TSGA10IP: variants seen among roughly 807,000 people sequenced by gnomAD.
TSGA10IP encodes the protein testis-specific protein 10-interacting protein.
Under a neutral mutation model 63.2 loss-of-function variants are expected in TSGA10IP, and 64 were observed. The ratio of observed to expected loss-of-function variants is 1.01; its 90% CI spans 0.83 to 1.25. TSGA10IP has a LOEUF of 1.25. Among genes scored for constraint, TSGA10IP ranks in the 50% most tolerant of loss-of-function variants. The probability of loss-of-function intolerance (pLI) is 0.00; values close to 1 mark genes in which losing one functional copy is unlikely to be tolerated. For missense variants in TSGA10IP, 681 were observed against 710.1 expected (o/e 0.96, Z 0.47); for synonymous variants, 316 against 298.3 (o/e 1.06, Z -0.61).
At chr11:65,947,458 C>T (rs555653030) in exon 3 of TSGA10IP, 24 of 1,613,488 alleles carry the variant, frequency 1.5e-5, no homozygotes, top group African/African-American at 1.2e-4. Context: ...GATCGGCGTC[C>T]GACAAGCAGG....
chr11:65,955,504 T>C (rs1855008385), intron 5 of TSGA10IP, among the ~76,000 whole-genome samples: 2 of 152,034 alleles, frequency 1.3e-5, no homozygotes, highest in South Asian at 4.2e-4. Context: ...TCCCAGCTAC[T>C]TGGGAGGCTG....
intron 5 of TSGA10IP, among the ~76,000 whole-genome samples, chr11:65,958,289 C>A (rs1203726894): frequency 6.6e-6 from 1 of 152,158 alleles, no homozygotes; most frequent in Admixed American, 6.6e-5. Flanking sequence ...CCAGTGGAAC[C>A]CTGATCTCTC....
chr11:65,947,694 G>A, exon 3 of TSGA10IP: 2 of 1,601,444 alleles, frequency 1.2e-6, no homozygotes, highest in African/African-American at 2.7e-5. Context: ...GAAGTGCAGG[G>A]CCAGAGCCAG....
intron 5 of TSGA10IP, among the ~76,000 whole-genome samples, chr11:65,957,923 C>G (rs935205535): frequency 2.0e-5 from 3 of 152,208 alleles, no homozygotes; most frequent in African/African-American, 7.2e-5. Flanking sequence ...TCAAGTTTGT[C>G]AAACAGACAC....
At chr11:65,959,423 GC>G in intron 7 of TSGA10IP, 109 bp downstream of exon 7, 1 of 1,476,706 alleles carries the variant, frequency 6.8e-7, no homozygotes, top group Non-Finnish European at 9.0e-7. Context: ...CAGGCAGAGA[GC>G]CCAGAGGAAG....
exon 6 of TSGA10IP, chr11:65,958,954 G>A (rs773839636): frequency 5.6e-6 from 9 of 1,613,070 alleles, no homozygotes; most frequent in South Asian, 1.1e-5. Flanking sequence ...GTGCAGGCCC[G>A]GCCCTTCCTG....
chr11:65,949,929 T>C (rs1387138511), intron 4 of TSGA10IP, among the ~76,000 whole-genome samples: 1 of 136,936 alleles, frequency 7.3e-6, no homozygotes, highest in Non-Finnish European at 1.5e-5. Flanking sequence ...CTCAGTTCAC[T>C]GCAACCTCCG....
intron 5 of TSGA10IP, among the ~76,000 whole-genome samples, chr11:65,954,219 G>T (rs1309801917): frequency 1.3e-5 from 2 of 150,454 alleles, no homozygotes; most frequent in Non-Finnish European, 3.0e-5. Context: ...AGGCTGGAGT[G>T]CAGTGGCGCG....
chr11:65,945,580 T>A lies in TSGA10IP; in HGVS notation c.-96T>A. The A allele has an allele frequency of 7.0e-7, 1 of 1,427,762 alleles. No individual in the cohort carries two copies. Among genetic ancestry groups the A allele is most frequent in the African/African-American group, 1.4e-5 (1 of 71,442 alleles). The allele number at this position is 1,427,762 out of a possible 1,614,324, so 88.4% of individuals were successfully genotyped here. ...ATACCCCACTGACCCCTTCCTAGCA[T>A]GCTTTTTGCCAGACCCATTGAGACT... On this transcript the variant is annotated 5_prime_UTR_variant, in exon 1 of 8. The change abolishes an upstream ATG in the 5' untranslated region. Transcript: ENST00000532620.
chr11:65,948,093 T>C, exon 4 of TSGA10IP: 1 of 1,597,034 alleles, frequency 6.3e-7, no homozygotes, highest in African/African-American at 1.3e-5. Context: ...CGATGAAACT[T>C]TCGTGTCTGC....
At chr11:65,951,894 G>C (rs1308118016) in intron 4 of TSGA10IP, among the ~76,000 whole-genome samples, 4 of 150,022 alleles carry the variant, frequency 2.7e-5, no homozygotes, top group South Asian at 2.1e-4. Context: ...TCGTCACCCA[G>C]GATGGAGTGC....
In TSGA10IP at chr11:65,948,054, C is replaced by A. The variant is rs772390003; in HGVS notation, c.1057C>A (p.Arg353=). 2.5e-6 allele frequency: 4 copies of A among 1,577,566 alleles called. No homozygotes were observed. The South Asian group carries it at 3.5e-5, about 14-fold the overall frequency. ...GAGGGCTGCCTTCCAGGCCTCCAAG[C>A]GGAATGGAAAGGCCTATGCCTCGGG... Residue 353 remains arginine, a synonymous_variant, in exon 4 of 8, where the codon CGG becomes AGG. Coordinates refer to ENST00000532620, the Ensembl canonical transcript of TSGA10IP.
chr11:65,948,714 C>G (rs1265304678), intron 4 of TSGA10IP, among the ~76,000 whole-genome samples: 2 of 152,168 alleles, frequency 1.3e-5, no homozygotes, highest in Admixed American at 1.3e-4. Context: ...TGGCTCACGC[C>G]TATAATCCTA....
At chr11:65,947,910 G>A in intron 3 of TSGA10IP, 82 bp downstream of exon 3, 1 of 1,507,564 alleles carries the variant, frequency 6.6e-7, no homozygotes, top group Non-Finnish European at 8.9e-7. Context: ...AGGGGCTCAG[G>A]CAGGCTGGGC....
At chr11:65,953,667 T>C (rs1267601610) in exon 5 of TSGA10IP, 1 of 1,592,186 alleles carries the variant, frequency 6.3e-7, no homozygotes, top group Non-Finnish European at 8.5e-7. Flanking sequence ...GGTGGCCCAC[T>C]GCCTGGCAGC....
chr11:65,946,331 G>A (rs1374794539), intron 1 of TSGA10IP, among the ~76,000 whole-genome samples: 1 of 152,164 alleles, frequency 6.6e-6, no homozygotes, highest in East Asian at 1.9e-4. Context: ...GGTTACGTGT[G>A]TTTATGCATG....
chr11:65,949,426 T>TTC (rs1454598269), intron 4 of TSGA10IP, among the ~76,000 whole-genome samples: 1 of 150,840 alleles, frequency 6.6e-6, no homozygotes, highest in Non-Finnish European at 1.5e-5. Context: ...CACAATTTTT[T>TTC]TTTTTTTTGA....
At chr11:65,958,907 T>C in exon 6 of TSGA10IP, 1 of 1,613,098 alleles carries the variant, frequency 6.2e-7, no homozygotes, top group South Asian at 1.1e-5. Context: ...AGCGCTTTGC[T>C]GAGTACCAGG....
At chr11:65,946,527 G>A (rs1269433166) in intron 1 of TSGA10IP, among the ~76,000 whole-genome samples, 1 of 152,064 alleles carries the variant, frequency 6.6e-6, no homozygotes, top group Non-Finnish European at 1.5e-5. Context: ...CAACTCCTAG[G>A]TTCAAGCGAT....
Sources: gnomAD v4.1 joint callset for allele counts (sites outside exome capture counted in the v4.1 genomes callset) on GRCh38, gnomAD v4.1.1 for gene constraint, MANE v1.5 for transcripts, NCBI Gene and HGNC (gene_info 2026-07-23, HGNC 2026-07-21) for gene names.